PHF14: variants seen among roughly 807,000 people sequenced by gnomAD.
The protein encoded by PHF14 is PHD finger protein 14.
A neutral mutation model predicts 117.9 loss-of-function variants in PHF14; 55 were observed. The ratio of observed to expected loss-of-function variants is 0.47; its 90% CI spans 0.38 to 0.58. PHF14 has a LOEUF of 0.58. Among genes scored for constraint, PHF14 ranks in the 20% least tolerant of loss-of-function variants. PHF14 has a pLI of 0.00. For missense variants in PHF14, 978 were observed against 1,122.2 expected, an observed-to-expected ratio of 0.87 and a Z score of 1.84; for synonymous variants, 409 against 368.6, an observed-to-expected ratio of 1.11 and a Z score of -1.26.
intron 5 of PHF14, chr7:11,014,931 CT>C: frequency 6.6e-6 from 1 of 150,722 alleles, no homozygotes; most frequent in Non-Finnish European, 1.5e-5. Context: ...GGGTTGGTGA[CT>C]AAAATTAAGA....
intron 17 of PHF14, among the ~76,000 whole-genome samples, chr7:11,160,055 C>T (rs545535955): frequency 1.3e-5 from 2 of 152,138 alleles, no homozygotes; most frequent in East Asian, 1.9e-4. Context: ...TTTTTCAACC[C>T]TTATTCCCTC....
intron 17 of PHF14, among the ~76,000 whole-genome samples, chr7:11,133,264 A>G (rs1788133869): frequency 6.6e-6 from 1 of 151,852 alleles, no homozygotes; most frequent in South Asian, 2.1e-4. Context: ...TTAAAGGAGA[A>G]CAAAGTCAGA....
At chr7:11,107,590 T>TA in intron 16 of PHF14, 1 of 811,722 alleles carries the variant, frequency 1.2e-6, no homozygotes, top group Non-Finnish European at 1.5e-6. Flanking sequence ...TTTATTTTAT[T>TA]AAAAAATCTT....
intron 17 of PHF14, among the ~76,000 whole-genome samples, chr7:11,162,983 A>G (rs1789092276): frequency 6.6e-6 from 1 of 152,186 alleles, no homozygotes; most frequent in South Asian, 2.1e-4. Flanking sequence ...ATAGTTATTT[A>G]TGTATTCCCA....
intron 16 of PHF14, among the ~76,000 whole-genome samples, chr7:11,089,761 CTTTTTTTTTTTTT>C (rs71023888): frequency 3.1e-5 from 3 of 97,894 alleles, no homozygotes; most frequent in Non-Finnish European, 6.1e-5. Flanking sequence ...TTCATGCATT[CTTTTTTTTTTTTT>C]TTTTTTTTTT....
At chr7:11,092,848 A>T (rs1413965656) in intron 16 of PHF14, among the ~76,000 whole-genome samples, 1 of 152,198 alleles carries the variant, frequency 6.6e-6, no homozygotes, top group African/African-American at 2.4e-5. Context: ...CCAGGTGCTG[A>T]TAAACTCAGA....
chr7:10,995,466 G>T (rs934821648), intron 4 of PHF14, among the ~76,000 whole-genome samples: 40 of 152,238 alleles, frequency 2.6e-4, no homozygotes, highest in African/African-American at 9.4e-4. Context: ...GTCCCCACTA[G>T]ACTCGGGAGC....
intron 16 of PHF14, among the ~76,000 whole-genome samples, chr7:11,083,464 A>AATT (rs1554269654): frequency 1.1e-3 from 126 of 112,306 alleles, no homozygotes; most frequent in African/African-American, 4.2e-3. Context: ...TGCTTTCCCT[A>AATT]TTTTTTTTTT....
chr7:11,122,022 C>A (rs115418148), intron 17 of PHF14, among the ~76,000 whole-genome samples: 4 of 151,468 alleles, frequency 2.6e-5, no homozygotes, highest in Admixed American at 6.6e-5. Context: ...TGCCCTACCC[C>A]CCGACAGGCC....
chr7:11,081,990 G>A (rs1013736917), intron 16 of PHF14, among the ~76,000 whole-genome samples: 1 of 152,052 alleles, frequency 6.6e-6, no homozygotes, highest in African/African-American at 2.4e-5. Flanking sequence ...GTTTTTAAAA[G>A]CTAATAGTGT....
At position 11,122,331 on chromosome 7, in the gene PHF14, TTA is replaced by T. The variant is rs146463909; in HGVS notation, c.2772+10885_2772+10886del. Among the ~76,000 whole-genome samples, 251 of 84,016 alleles carry T rather than the reference TTA, an allele frequency of 3.0e-3. 7 individuals carry two copies. Among genetic ancestry groups the T allele is most frequent in the South Asian group, 0.02 (51 of 2,550 alleles). The allele number at this position is 84,016 out of a possible 152,430, so 55.1% of individuals were successfully genotyped here. A position where few individuals can be genotyped will look rare whatever the true frequency, so the allele number is the denominator to read the frequency against. ...AAGGGGAGATTACTGTTTGTACTTTTTATATATATATATATATATATACACAC... is the reference window on the plus strand; with the variant it reads ...AAGGGGAGATTACTGTTTGTACTTTTTATATATATATATATATATACACAC... On this transcript the variant is annotated intron_variant, in intron 17 of 17. Transcript: ENST00000634607.
chr7:11,112,661 C>T (rs1787484915), intron 17 of PHF14, among the ~76,000 whole-genome samples: 1 of 151,852 alleles, frequency 6.6e-6, no homozygotes, highest in Non-Finnish European at 1.5e-5. Context: ...ATCCCAGCTA[C>T]TTGGGAGGCT....
intron 16 of PHF14, chr7:11,063,722 T>G: frequency 3.4e-6 from 3 of 870,630 alleles, no homozygotes; most frequent in Non-Finnish European, 4.1e-6. Context: ...CAATTTTTAT[T>G]TTAAAAATCA....
intron 16 of PHF14, among the ~76,000 whole-genome samples, chr7:11,074,511 C>T (rs114876983): frequency 0.013 from 1,958 of 152,102 alleles, 39 homozygotes; most frequent in African/African-American, 0.043. Context: ...TGCCTGGCCC[C>T]GTTAGTTCCA....
intron 16 of PHF14, among the ~76,000 whole-genome samples, chr7:11,094,661 G>A (rs1041794421): frequency 1.3e-5 from 2 of 152,128 alleles, no homozygotes; most frequent in Non-Finnish European, 2.9e-5. Flanking sequence ...GAAGGTAACC[G>A]TCCCTGGGGC....
chr7:11,051,520 C>G (rs1297588525), intron 13 of PHF14, 92 bp from the exon 14 acceptor site: 35 of 984,128 alleles, frequency 3.6e-5, no homozygotes, highest in Non-Finnish European at 4.7e-5. Context: ...ATATATTATT[C>G]TTATATACCT....
intron 17 of PHF14, among the ~76,000 whole-genome samples, chr7:11,152,541 G>C (rs947260343): frequency 6.6e-6 from 1 of 152,014 alleles, no homozygotes; most frequent in Non-Finnish European, 1.5e-5. Context: ...TGATTCCCAT[G>C]CTTCTATATA....
intron 17 of PHF14, among the ~76,000 whole-genome samples, chr7:11,156,605 C>G (rs1788861989): frequency 6.6e-6 from 1 of 152,098 alleles, no homozygotes; most frequent in South Asian, 2.1e-4. Flanking sequence ...ACCAGCCTGA[C>G]CAACATGGTG....
At chr7:11,120,520 A>ACCTTTCT in intron 17 of PHF14, among the ~76,000 whole-genome samples, 1 of 152,074 alleles carries the variant, frequency 6.6e-6, no homozygotes, top group Non-Finnish European at 1.5e-5. Context: ...GGTCAAGTCT[A>ACCTTTCT]ACTTTTTCAT....
Sources: allele counts gnomAD v4.1 joint callset (sites outside exome capture counted in the v4.1 genomes callset), GRCh38; gene constraint gnomAD v4.1.1; transcripts MANE v1.5; gene names NCBI Gene and HGNC (gene_info 2026-07-23, HGNC 2026-07-21).